The following GLYR1 variants were observed in gnomAD, a reference collection of about 807,000 sequenced individuals.
The protein encoded by GLYR1 is glyoxylate reductase 1 homolog, also known as cytokine-like nuclear factor N-PAC.
Under a neutral mutation model 72.7 loss-of-function variants are expected in GLYR1, and 21 were observed. That is an observed-to-expected ratio of 0.29 (90% CI 0.20 to 0.42). The LOEUF (loss-of-function observed/expected upper bound fraction) is 0.42, where lower values mean the gene tolerates loss of function less well. Among genes scored for constraint, GLYR1 ranks in the 10% least tolerant of loss-of-function variants. The probability of loss-of-function intolerance (pLI) is 1.00; values close to 1 mark genes in which losing one functional copy is unlikely to be tolerated. For synonymous variants in GLYR1, 392 were observed against 270.2 expected (o/e 1.45, Z -4.42); for missense variants, 594 against 712.1 (o/e 0.83, Z 1.89).
chr16:4,815,868 G>A (rs2083604737), intron 10 of GLYR1, among the ~76,000 whole-genome samples: 1 of 151,556 alleles, frequency 6.6e-6, no homozygotes, highest in Non-Finnish European at 1.5e-5. Context: ...TGCAAGCTCT[G>A]CCTCCCAGGT....
chr16:4,830,677 G>A (rs529441400), intron 5 of GLYR1, among the ~76,000 whole-genome samples: 1 of 152,230 alleles, frequency 6.6e-6, no homozygotes, highest in South Asian at 2.1e-4. Context: ...TCCTGCTGTT[G>A]ACAATCCTAC....
intron 10 of GLYR1, among the ~76,000 whole-genome samples, chr16:4,817,355 A>G (rs1211438882): frequency 1.3e-5 from 2 of 151,770 alleles, no homozygotes; most frequent in African/African-American, 2.4e-5. Context: ...TCCTGACCTC[A>G]TGATCCGCCC....
chr16:4,821,633 C>T (rs1345405314), intron 7 of GLYR1, 36 bp from the exon 8 acceptor site: 4 of 1,596,076 alleles, frequency 2.5e-6, no homozygotes, highest in Non-Finnish European at 3.4e-6. Context: ...ACTTGTGCTA[C>T]TGCAGGCTTA....
At chr16:4,838,802 T>C (rs770393881) in intron 3 of GLYR1, among the ~76,000 whole-genome samples, 2 of 152,120 alleles carry the variant, frequency 1.3e-5, no homozygotes, top group Non-Finnish European at 2.9e-5. Context: ...TTAGCCAGCA[T>C]GGTCTTGATC....
At chr16:4,824,296 T>A (rs1007627997) in intron 5 of GLYR1, among the ~76,000 whole-genome samples, 1 of 151,860 alleles carries the variant, frequency 6.6e-6, no homozygotes, top group Non-Finnish European at 1.5e-5. Flanking sequence ...AGGCAGATCA[T>A]GAGGTCAAGA....
In GLYR1 at chr16:4,821,439, G is replaced by T. The variant is rs781302529; in HGVS notation, c.747C>A (p.Thr249=). Residue 249 remains threonine (T), a synonymous_variant, in exon 9 of 16, where the codon ACC becomes ACA. Coordinates refer to ENST00000321919, the MANE Select transcript of GLYR1 (RefSeq NM_032569.4). ...CTGTGCTGTCAGCTGCCTGGATGGA[G>T]GTGGAGCCAGTTTCCTACGGACAGG... is the stretch of plus-strand genomic sequence containing the variant. The part of the protein sequence containing the change: ...LKICEEETGS[T]SIQAADSTAV... The T allele has an allele frequency of 6.2e-7, 1 of 1,613,968 alleles. No homozygotes were observed. The highest frequency in any genetic ancestry group is 1.1e-5 in the South Asian group (1 of 91,080).
intron 8 of GLYR1, 30 bp from the exon 9 acceptor site, chr16:4,821,483 C>CA (rs766077345): frequency 3.9e-5 from 63 of 1,613,962 alleles, no homozygotes; most frequent in Non-Finnish European, 5.3e-5. Context: ...ATCATCAAGT[C>CA]AGTCTGCCTG....
At chr16:4,838,486 C>G (rs956390715) in intron 3 of GLYR1, among the ~76,000 whole-genome samples, 1 of 152,206 alleles carries the variant, frequency 6.6e-6, no homozygotes, top group African/African-American at 2.4e-5. Context: ...ACTGTTTGTC[C>G]ACAATCTGTT....
chr16:4,846,645 C>T (rs748411358), intron 1 of GLYR1: 8 of 251,718 alleles, frequency 3.2e-5, no homozygotes, highest in African/African-American at 6.6e-5. Flanking sequence ...TTGGTTCGGG[C>T]GGTTGTCTGG....
At chr16:4,817,305 G>C (rs1437519697) in intron 10 of GLYR1, among the ~76,000 whole-genome samples, 1 of 151,894 alleles carries the variant, frequency 6.6e-6, no homozygotes, top group Non-Finnish European at 1.5e-5. Flanking sequence ...ATTTTAAGTA[G>C]AGACGGGGTT....
chr16:4,805,335 T>C, intron 15 of GLYR1, 25 bp from the exon 16 acceptor site: 1 of 1,604,208 alleles, frequency 6.2e-7, no homozygotes, highest in East Asian at 2.2e-5. Context: ...GATGGCTCAG[T>C]CTCTGGCCCC....
intron 5 of GLYR1, among the ~76,000 whole-genome samples, chr16:4,831,655 T>C (rs2084806446): frequency 6.6e-6 from 1 of 152,194 alleles, no homozygotes; most frequent in African/African-American, 2.4e-5. Flanking sequence ...TCTCACCTGG[T>C]CTATGGGATT....
intron 3 of GLYR1, among the ~76,000 whole-genome samples, chr16:4,835,790 C>A (rs571631982): frequency 5.3e-4 from 81 of 152,210 alleles, no homozygotes; most frequent in African/African-American, 1.8e-3. Flanking sequence ...AGTATTGTGC[C>A]ACTGCACTCC....
chr16:4,825,303 T>C (rs1176289684), intron 5 of GLYR1, among the ~76,000 whole-genome samples: 3 of 152,022 alleles, frequency 2.0e-5, no homozygotes, highest in Admixed American at 1.3e-4. Context: ...TCCTATTTCT[T>C]CCCCCGTCAC....
At chr16:4,825,638 C>T (rs1344570007) in intron 5 of GLYR1, among the ~76,000 whole-genome samples, 1 of 149,712 alleles carries the variant, frequency 6.7e-6, no homozygotes, top group Admixed American at 6.8e-5. Flanking sequence ...CTTCATGAAA[C>T]AGAATTATTA....
rs2083327512 is a variant in GLYR1, at chr16:4,811,624, T to C, written c.1461A>G (p.Gln487=). 1.9e-6 allele frequency: 3 copies of C among 1,613,750 alleles called. No individual in the cohort carries two copies. Among genetic ancestry groups the C allele is most frequent in the Middle Eastern group, 1.7e-4 (1 of 5,720 alleles). The part of the protein sequence containing the change: ...LASIFLDQKC[Q]NILQGNFKPD... Reference sequence around the variant, plus strand: ...GAAGAGGGGCCAAAAACAACTCACTTTGGCACTTCTGGTCCAGGAAGATGC... The same window carrying C: ...GAAGAGGGGCCAAAAACAACTCACTCTGGCACTTCTGGTCCAGGAAGATGC... Residue 487 remains glutamine, a splice_region_variant and synonymous_variant, in exon 14 of 16, where the codon CAA becomes CAG. Transcript: ENST00000321919.
intron 1 of GLYR1, 26 bp from the exon 2 acceptor site, chr16:4,846,236 C>A (rs372387410): frequency 7.4e-6 from 12 of 1,613,652 alleles, no homozygotes; most frequent in Non-Finnish European, 1.0e-5. Flanking sequence ...AGAGTCAACA[C>A]TTGCCCTGCA....
chr16:4,833,029 G>A (rs1473662891), intron 3 of GLYR1, 117 bp from the exon 4 acceptor site: 1 of 898,350 alleles, frequency 1.1e-6, no homozygotes, highest in Non-Finnish European at 1.6e-6. Flanking sequence ...CTTTGCAATA[G>A]GCCTTGCCAT....
rs750141774 is a variant in GLYR1 at position 4,811,064 on chromosome 16, C to T, written c.1587+106G>A. 345 of 1,387,996 alleles carry T rather than the reference C, an allele frequency of 2.5e-4. 1 individual carries two copies. The highest frequency in any genetic ancestry group is 3.3e-4 in the Non-Finnish European group (338 of 1,032,818). 86.0% of individuals were successfully genotyped at this position (1,387,996 alleles called of 1,614,324 possible). A position where few individuals can be genotyped will look rare whatever the true frequency, so the allele number is the denominator to read the frequency against. ...AGGTTGCATTGAGCTGAGATCGCACCAGTGCACTCTAGCCTGGGTGACAGA... is the reference window on the plus strand; with the variant it reads ...AGGTTGCATTGAGCTGAGATCGCACTAGTGCACTCTAGCCTGGGTGACAGA... On this transcript the variant is annotated intron_variant, in intron 15 of 15. Transcript: ENST00000321919.
Sources: gnomAD v4.1 joint callset for allele counts (sites outside exome capture counted in the v4.1 genomes callset) on GRCh38, gnomAD v4.1.1 for gene constraint, MANE v1.5 for transcripts, NCBI Gene and HGNC (gene_info 2026-07-23, HGNC 2026-07-21) for gene names.